DCC: variants seen among roughly 807,000 people sequenced by gnomAD.
DCC encodes netrin receptor DCC.
In DCC, 58 loss-of-function variants were observed where a neutral mutation model predicts 172.5. The ratio of observed to expected loss-of-function variants is 0.34; its 90% CI spans 0.27 to 0.42. DCC has a LOEUF of 0.42. DCC is among the 10% of genes least tolerant of loss of function. DCC has a pLI of 1.00. For synonymous variants in DCC, 709 were observed against 644.5 expected, an observed-to-expected ratio of 1.10 and a Z score of -1.52; for missense variants, 1,740 against 1,791.0, an observed-to-expected ratio of 0.97 and a Z score of 0.51.
At chr18:53,448,060 T>TG (rs1356773072) in intron 22 of DCC, among the ~76,000 whole-genome samples, 190 of 146,748 alleles carry the variant, frequency 1.3e-3, no homozygotes, top group African/African-American at 5.0e-3. Context: ...TTTTTTTTTT[T>TG]TTTTTTTTTT....
At chr18:53,217,462 T>C (rs2055872134) in intron 12 of DCC, among the ~76,000 whole-genome samples, 1 of 152,146 alleles carries the variant, frequency 6.6e-6, no homozygotes, top group Admixed American at 6.6e-5. Flanking sequence ...AATTGTTCAT[T>C]CGCTTTTCAG....
intron 1 of DCC, among the ~76,000 whole-genome samples, chr18:52,450,573 A>G (rs1988270916): frequency 6.6e-6 from 1 of 152,178 alleles, no homozygotes; most frequent in South Asian, 2.1e-4. Context: ...TCTCTGGGAA[A>G]AACTGTTTGG....
chr18:53,402,411 A>G (rs1318032983), intron 18 of DCC, among the ~76,000 whole-genome samples: 1 of 149,506 alleles, frequency 6.7e-6, no homozygotes, highest in African/African-American at 2.4e-5. Flanking sequence ...AAAATAAATA[A>G]ATAAATAATA....
intron 23 of DCC, among the ~76,000 whole-genome samples, chr18:53,457,520 T>G (rs979279072): frequency 5.3e-5 from 8 of 152,196 alleles, no homozygotes; most frequent in Non-Finnish European, 1.0e-4. Flanking sequence ...GTTAAGTTAT[T>G]TAGCATTTTG....
At chr18:52,919,955 C>A (rs962755939) in intron 3 of DCC, among the ~76,000 whole-genome samples, 6 of 133,326 alleles carry the variant, frequency 4.5e-5, no homozygotes, top group African/African-American at 1.7e-4. Flanking sequence ...TGAGCAAAAT[C>A]AAGTCAGTGG....
At chr18:52,643,711 C>A (rs1289309210) in intron 1 of DCC, among the ~76,000 whole-genome samples, 1 of 152,140 alleles carries the variant, frequency 6.6e-6, no homozygotes, top group Non-Finnish European at 1.5e-5. Context: ...TGGATCTAAC[C>A]ATTTGGAAAT....
chr18:52,361,099 G>A (rs1171256803), intron 1 of DCC, among the ~76,000 whole-genome samples: 3 of 152,164 alleles, frequency 2.0e-5, no homozygotes, highest in Non-Finnish European at 2.9e-5. Context: ...GTCATGTTGA[G>A]ACAAAAACCT....
chr18:52,827,701 G>A (rs1236362120), intron 2 of DCC, among the ~76,000 whole-genome samples: 1 of 152,168 alleles, frequency 6.6e-6, no homozygotes, highest in East Asian at 1.9e-4. Flanking sequence ...ACAATGGCAG[G>A]CACTTGCATT....
intron 15 of DCC, among the ~76,000 whole-genome samples, chr18:53,349,598 T>A (rs1054102445): frequency 7.9e-5 from 12 of 152,250 alleles, no homozygotes; most frequent in African/African-American, 2.9e-4. Flanking sequence ...AGGGGTTTAA[T>A]TGGACTTACA....
chr18:52,530,746 A>G (rs1038752762), intron 1 of DCC, among the ~76,000 whole-genome samples: 1 of 152,224 alleles, frequency 6.6e-6, no homozygotes, highest in Non-Finnish European at 1.5e-5. Flanking sequence ...AAACATATTC[A>G]GAACACTGTG....
At chr18:53,234,321 C>T (rs549129895) in intron 12 of DCC, among the ~76,000 whole-genome samples, 14 of 151,946 alleles carry the variant, frequency 9.2e-5, no homozygotes, top group African/African-American at 2.9e-4. Context: ...TCCAGCTACT[C>T]GGGAGGCTGA....
chr18:53,269,055 T>C (rs971263486), intron 12 of DCC, among the ~76,000 whole-genome samples: 8 of 152,082 alleles, frequency 5.3e-5, no homozygotes, highest in Non-Finnish European at 1.0e-4. Context: ...TACTCAAGTT[T>C]AGAGTTCACA....
rs989358066 is a variant in DCC at position 53,402,882 on chromosome 18, G to C, written c.2924G>C (p.Gly975Ala). The C allele has an allele frequency of 1.2e-6, 2 of 1,611,642 alleles. No homozygotes were observed. Among genetic ancestry groups the C allele is most frequent in the Non-Finnish European group, 1.7e-6 (2 of 1,177,792 alleles). ...TGGCAGCCTCCCTTGGAAGCCAATG[G>C]GAAAATTACTGGTAAGCATCTCCAC... is the stretch of plus-strand genomic sequence containing the variant. ...VSWQPPLEAN[G>A]KITAYILFYT... Residue 975 changes from glycine (G) to alanine (A), a missense_variant, in exon 19 of 29, where the codon GGG (glycine) becomes GCG (alanine). Gly to Ala is a moderately conservative substitution (Grantham distance 60, BLOSUM62 0). This residue lies in a region of DCC where 1,732 missense variants were observed against 1,767.4 expected (regional missense o/e 0.98). Transcript: ENST00000442544.
At chr18:52,759,344 T>C (rs1484745449) in intron 2 of DCC, among the ~76,000 whole-genome samples, 2 of 152,300 alleles carry the variant, frequency 1.3e-5, no homozygotes, top group East Asian at 1.9e-4. Context: ...TTCTACATTA[T>C]AAAATTTACA....
intron 1 of DCC, among the ~76,000 whole-genome samples, chr18:52,343,812 C>A (rs565636203): frequency 2.0e-5 from 3 of 152,234 alleles, no homozygotes; most frequent in African/African-American, 7.2e-5. Flanking sequence ...GCGACCTCTT[C>A]TCATTCCCCC....
intron 5 of DCC, among the ~76,000 whole-genome samples, chr18:53,007,198 G>A (rs1170322760): frequency 1.3e-5 from 2 of 152,124 alleles, no homozygotes; most frequent in Non-Finnish European, 2.9e-5. Flanking sequence ...TGTTGGAAAA[G>A]CATTGAGGTT....
Position 52,373,887 on chromosome 18 carries a change from CATTTT to C in DCC, c.91+33010_91+33014del, listed in dbSNP as rs528060983. 8.6e-3 allele frequency among the ~76,000 whole-genome samples: 1,220 copies of C among 141,120 alleles called. 23 individuals carry two copies. The highest frequency in any genetic ancestry group is 0.03 in the African/African-American group (1,145 of 37,810). The allele number at this position is 141,120 out of a possible 152,430, so 92.6% of individuals were successfully genotyped here. A position where few individuals can be genotyped will look rare whatever the true frequency, so the allele number is the denominator to read the frequency against. ...ATCAATGAAGCATATTTGGTTGCAT[CATTTT>C]TTTTTTTTTTTTTTTTTTGAGACGG... On this transcript the variant is annotated intron_variant, in intron 1 of 28. Transcript: ENST00000442544.
At chr18:53,147,932 A>C (rs2043940014) in intron 7 of DCC, among the ~76,000 whole-genome samples, 1 of 152,210 alleles carries the variant, frequency 6.6e-6, no homozygotes, top group South Asian at 2.1e-4. Context: ...AGAGCTCTTA[A>C]AATGACCTAC....
chr18:52,862,283 T>C (rs897480145), intron 2 of DCC, among the ~76,000 whole-genome samples: 1 of 152,106 alleles, frequency 6.6e-6, no homozygotes, highest in African/African-American at 2.4e-5. Context: ...ATATGGAAGT[T>C]CGTCAAATAT....
Sources: gnomAD v4.1 joint callset for allele counts (sites outside exome capture counted in the v4.1 genomes callset) on GRCh38, gnomAD v4.1.1 for gene constraint, gnomAD v4.1.1 regional missense constraint, MANE v1.5 for transcripts, NCBI Gene and HGNC (gene_info 2026-07-23, HGNC 2026-07-21) for gene names.